MDGA2: variants seen among roughly 807,000 people sequenced by gnomAD.
MDGA2 encodes the protein MAM domain containing glycosylphosphatidylinositol anchor 2.
In MDGA2, 40 loss-of-function variants were observed where a neutral mutation model predicts 117.8. That is an observed-to-expected ratio of 0.34 (90% confidence interval 0.26 to 0.44). The LOEUF is 0.44. Among genes scored for constraint, MDGA2 ranks in the 20% least tolerant of loss-of-function variants. The probability of loss-of-function intolerance (pLI) is 1.00; values close to 1 mark genes in which losing one functional copy is unlikely to be tolerated. For missense variants in MDGA2, 1,123 were observed against 1,250.6 expected, an observed-to-expected ratio of 0.90 and a Z score of 1.54; for synonymous variants, 452 against 439.0, an observed-to-expected ratio of 1.03 and a Z score of -0.37.
intron 1 of MDGA2, among the ~76,000 whole-genome samples, chr14:47,598,257 C>G (rs1251191097): frequency 6.6e-6 from 1 of 152,142 alleles, no homozygotes; most frequent in Non-Finnish European, 1.5e-5. Context: ...CTGTGGAAAA[C>G]AGTCTGGTGC....
intron 5 of MDGA2, among the ~76,000 whole-genome samples, chr14:47,122,187 A>G (rs1193971831): frequency 6.6e-6 from 1 of 152,056 alleles, no homozygotes; most frequent in Non-Finnish European, 1.5e-5. Context: ...CCTCATAAAC[A>G]TGATTTAGCA....
At chr14:47,520,072 A>C (rs1387264640) in intron 1 of MDGA2, among the ~76,000 whole-genome samples, 2 of 152,208 alleles carry the variant, frequency 1.3e-5, no homozygotes, top group African/African-American at 4.8e-5. Flanking sequence ...CACCTGGCTT[A>C]ACAGATAGAC....
At position 46,845,848 on chromosome 14, in the gene MDGA2, A is replaced by T; in HGVS notation, c.2907T>A (p.Gly969=). Reference sequence around the variant, plus strand: ...TAGCAATGTCACCTTCTATTCCAGGACCTCGGATACCTTCAAAAATGAGCT... The same window carrying T: ...TAGCAATGTCACCTTCTATTCCAGGTCCTCGGATACCTTCAAAAATGAGCT... ...SFQLIFEGIR[G]PGIEGDIAID... is the part of the protein sequence containing the mutation. The change falls in exon 16 of 17, where the codon GGT becomes GGA. Residue 969 remains glycine, a synonymous_variant. Transcript: ENST00000399232. 1 of 1,612,914 alleles carries T rather than the reference A, an allele frequency of 6.2e-7. No individual in the cohort carries two copies. The highest frequency in any genetic ancestry group is 2.2e-5 in the East Asian group (1 of 44,708).
At chr14:47,476,621 G>A (rs949793633) in intron 1 of MDGA2, among the ~76,000 whole-genome samples, 1 of 151,228 alleles carries the variant, frequency 6.6e-6, no homozygotes, top group Non-Finnish European at 1.5e-5. Flanking sequence ...AAAATCTGAG[G>A]GACACAGAGT....
chr14:47,024,739 T>C (rs989852839), intron 8 of MDGA2, among the ~76,000 whole-genome samples: 2 of 152,168 alleles, frequency 1.3e-5, no homozygotes, highest in Non-Finnish European at 2.9e-5. Context: ...AAAGAGTAAT[T>C]TCCACCTTTA....
intron 1 of MDGA2, among the ~76,000 whole-genome samples, chr14:47,659,376 T>TG (rs1897804143): frequency 6.6e-6 from 1 of 152,216 alleles, no homozygotes; most frequent in Admixed American, 6.5e-5. Context: ...GTGACAGCTA[T>TG]GTAAAATGAA....
intron 8 of MDGA2, among the ~76,000 whole-genome samples, chr14:47,001,902 A>T (rs1887543602): frequency 6.6e-6 from 1 of 152,026 alleles, no homozygotes; most frequent in Non-Finnish European, 1.5e-5. Flanking sequence ...GTGGGGAGGG[A>T]GAGGGAGAGC....
chr14:47,145,082 T>G (rs1303750406), intron 3 of MDGA2, among the ~76,000 whole-genome samples: 1 of 152,092 alleles, frequency 6.6e-6, no homozygotes, highest in Admixed American at 6.5e-5. Context: ...TATCTCAAAT[T>G]TTATATTCCA....
chr14:47,217,699 A>G lies in MDGA2; in HGVS notation c.595+322T>C, dbSNP rs551087701. Among the ~76,000 whole-genome samples the G allele has an allele frequency of 2.6e-5, 4 of 152,220 alleles. No homozygotes were observed. The East Asian group carries it at 7.7e-4, about 29-fold the overall frequency. The stretch of plus-strand genomic sequence containing the variant: ...ATCCTATTTTAATAAAAATATAAAA[A>G]TGCATGTATATCTTTATATATAAAG... On this transcript the variant is annotated intron_variant, in intron 3 of 16. Coordinates refer to ENST00000399232, the MANE Select transcript of MDGA2 (RefSeq NM_001113498.3).
At chr14:47,200,932 TC>T in intron 3 of MDGA2, 1 of 834,860 alleles carries the variant, frequency 1.2e-6, no homozygotes, top group Non-Finnish European at 2.1e-6. Context: ...GCAGCAAGCC[TC>T]GCTCGGTCCG....
chr14:47,589,639 G>T (rs11628706), intron 1 of MDGA2, among the ~76,000 whole-genome samples: 1 of 151,854 alleles, frequency 6.6e-6, no homozygotes, highest in Non-Finnish European at 1.5e-5. Context: ...CACTGTTTTA[G>T]GTATTCTGGG....
At chr14:46,858,467 T>G (rs1467146165) in intron 14 of MDGA2, among the ~76,000 whole-genome samples, 1 of 144,336 alleles carries the variant, frequency 6.9e-6, no homozygotes, top group East Asian at 2.0e-4. Context: ...TCGCTCTGTC[T>G]CCCAGGCTGA....
intron 5 of MDGA2, among the ~76,000 whole-genome samples, chr14:47,128,456 G>C (rs1882016513): frequency 6.6e-6 from 1 of 150,980 alleles, no homozygotes. Flanking sequence ...AATTTTCTCT[G>C]TATCTATATA....
intron 1 of MDGA2, among the ~76,000 whole-genome samples, chr14:47,478,018 T>G (rs1265224680): frequency 6.6e-6 from 1 of 152,244 alleles, no homozygotes; most frequent in Admixed American, 6.5e-5. Context: ...TTTAAGGTAC[T>G]TAAAAATAGA....
intron 8 of MDGA2, among the ~76,000 whole-genome samples, chr14:47,005,509 C>T (rs1413553074): frequency 6.6e-6 from 1 of 151,470 alleles, no homozygotes; most frequent in Non-Finnish European, 1.5e-5. Flanking sequence ...GATTCAGTTA[C>T]TAAAGTTTTG....
chr14:47,049,269 G>A (rs1240835547), intron 7 of MDGA2, among the ~76,000 whole-genome samples: 1 of 151,864 alleles, frequency 6.6e-6, no homozygotes, highest in African/African-American at 2.4e-5. Flanking sequence ...ATTCTTCCTT[G>A]ATATTCACAG....
intron 1 of MDGA2, among the ~76,000 whole-genome samples, chr14:47,377,088 G>A (rs1424479837): frequency 2.0e-5 from 3 of 152,136 alleles, no homozygotes; most frequent in African/African-American, 7.2e-5. Flanking sequence ...GTGGTTTTCT[G>A]TGGAGAGGAG....
At chr14:47,250,099 A>G (rs1887395248) in intron 2 of MDGA2, among the ~76,000 whole-genome samples, 1 of 152,240 alleles carries the variant, frequency 6.6e-6, no homozygotes, top group Non-Finnish European at 1.5e-5. Flanking sequence ...AATTCATTGT[A>G]TCTGTAGTGT....
At chr14:47,174,383 A>G (rs1291325731) in intron 3 of MDGA2, among the ~76,000 whole-genome samples, 1 of 152,186 alleles carries the variant, frequency 6.6e-6, no homozygotes, top group Non-Finnish European at 1.5e-5. Context: ...TCCAAAATTG[A>G]CCACATAGTT....
Sources: gnomAD v4.1 joint callset for allele counts (sites outside exome capture counted in the v4.1 genomes callset) on GRCh38, gnomAD v4.1.1 for gene constraint, MANE v1.5 for transcripts, NCBI Gene and HGNC (gene_info 2026-07-23, HGNC 2026-07-21) for gene names.